The following CFAP44 variants were observed in gnomAD, a reference collection of about 807,000 sequenced individuals.
The protein encoded by CFAP44 is cilia and flagella associated protein 44.
Under a neutral mutation model 216.2 loss-of-function variants are expected in CFAP44, and 134 were observed. The ratio of observed to expected loss-of-function variants is 0.62; its 90% CI spans 0.54 to 0.72. CFAP44 has a LOEUF of 0.72. Among genes scored for constraint, CFAP44 ranks in the 30% least tolerant of loss-of-function variants. The probability of loss-of-function intolerance (pLI) is 0.00; values close to 1 mark genes in which losing one functional copy is unlikely to be tolerated. For synonymous variants in CFAP44, 700 were observed against 727.6 expected, an observed-to-expected ratio of 0.96 and a Z score of 0.61; for missense variants, 2,035 against 2,182.1, an observed-to-expected ratio of 0.93 and a Z score of 1.34.
intron 32 of CFAP44, among the ~76,000 whole-genome samples, chr3:113,301,333 A>G (rs1160151541): frequency 6.6e-6 from 1 of 152,148 alleles, no homozygotes; most frequent in Non-Finnish European, 1.5e-5. Flanking sequence ...GGGAATGCTA[A>G]ACATAAAATT....
At chr3:113,401,400 C>G in intron 10 of CFAP44, 113 bp from the exon 11 acceptor site, 1 of 1,201,438 alleles carries the variant, frequency 8.3e-7, no homozygotes, top group Non-Finnish European at 1.2e-6. Flanking sequence ...CAAAAGCTCA[C>G]ATATATTTTA....
chr3:113,379,613 A>G, intron 16 of CFAP44, 62 bp from the exon 17 acceptor site: 1 of 1,292,212 alleles, frequency 7.7e-7, no homozygotes, highest in Non-Finnish European at 1.1e-6. Context: ...CATTTACACC[A>G]TTAGGGATGA....
chr3:113,405,405 C>A (rs1934250101), intron 8 of CFAP44, among the ~76,000 whole-genome samples: 1 of 152,226 alleles, frequency 6.6e-6, no homozygotes, highest in Non-Finnish European at 1.5e-5. Flanking sequence ...CCTTGATCAT[C>A]TCTTTTTAGA....
chr3:113,330,314 A>T lies in CFAP44; in HGVS notation c.3970T>A (p.Ser1324Thr). 6.5e-7 allele frequency: 1 copy of T among 1,537,280 alleles called. No individual in the cohort carries two copies. Among genetic ancestry groups the T allele is most frequent in the East Asian group, 2.4e-5 (1 of 40,906 alleles). ...DGDLTTRDSI[S>T]RSSKASTFSL... ...AATGTTGATGCCTTTGATGATCTAGATATTGAATCACGGGTTGTCAAATCC... is the reference window on the plus strand; with the variant it reads ...AATGTTGATGCCTTTGATGATCTAGTTATTGAATCACGGGTTGTCAAATCC... The change falls in exon 26 of 35, where the codon TCT (serine) becomes ACT (threonine). Residue 1324 changes from serine to threonine, a missense_variant. Physicochemically the swap from Ser to Thr is moderately conservative, Grantham distance 58. Coordinates refer to ENST00000393845, the MANE Select transcript of CFAP44 (RefSeq NM_001164496.2).
chr3:113,340,603 A>C (rs1950323590), intron 24 of CFAP44, among the ~76,000 whole-genome samples: 1 of 152,162 alleles, frequency 6.6e-6, no homozygotes, highest in African/African-American at 2.4e-5. Flanking sequence ...CCCATTGCTC[A>C]AACCTCTAGG....
chr3:113,399,848 C>A (rs879636545), intron 13 of CFAP44, 58 bp downstream of exon 13: 17 of 1,130,484 alleles, frequency 1.5e-5, no homozygotes, highest in Admixed American at 2.7e-5. Flanking sequence ...CAGAAAATAG[C>A]ATTGATATAC....
chr3:113,415,752 A>T (rs1934628229), intron 6 of CFAP44, among the ~76,000 whole-genome samples: 1 of 152,082 alleles, frequency 6.6e-6, no homozygotes, highest in Admixed American at 6.6e-5. Flanking sequence ...ACTCTTATGC[A>T]TTTGCTGAGG....
chr3:113,377,821 G>A (rs1576579570), intron 17 of CFAP44, among the ~76,000 whole-genome samples: 1 of 151,920 alleles, frequency 6.6e-6, no homozygotes, highest in East Asian at 1.9e-4. Context: ...CCCGGCTAAT[G>A]TTTTGTATTT....
In CFAP44 at chr3:113,396,606, T is replaced by C; in HGVS notation, c.1691A>G (p.Asp564Gly). ...FAGRKKILDA[D>G]IQLKQVFKPH... Reference sequence around the variant, plus strand: ...TTTGAAAACCTGTTTCAACTGAATATCAGCATCCAAAATTTTCTTCCGTCC... The same window carrying C: ...TTTGAAAACCTGTTTCAACTGAATACCAGCATCCAAAATTTTCTTCCGTCC... The change falls in exon 14 of 35, where the codon GAT (aspartate) becomes GGT (glycine). Residue 564 changes from aspartate to glycine, a missense_variant. Physicochemically the swap from Asp to Gly is moderately conservative, Grantham distance 94. Coordinates refer to ENST00000393845, the MANE Select transcript of CFAP44 (RefSeq NM_001164496.2). 6.2e-7 allele frequency: 1 copy of C among 1,614,126 alleles called. No individual in the cohort carries two copies.
intron 32 of CFAP44, among the ~76,000 whole-genome samples, chr3:113,299,941 G>A (rs1340021652): frequency 2.0e-5 from 3 of 152,184 alleles, no homozygotes; most frequent in Non-Finnish European, 4.4e-5. Context: ...TGAGGCAGAA[G>A]GATCACCTGA....
chr3:113,385,176 G>A (rs1453332606), intron 15 of CFAP44, among the ~76,000 whole-genome samples: 1 of 152,142 alleles, frequency 6.6e-6, no homozygotes, highest in Non-Finnish European at 1.5e-5. Flanking sequence ...CCATGATTGT[G>A]AGGCCTCCCC....
chr3:113,317,886 T>C (rs1488174269), intron 28 of CFAP44, among the ~76,000 whole-genome samples: 1 of 152,196 alleles, frequency 6.6e-6, no homozygotes, highest in African/African-American at 2.4e-5. Context: ...ACAGGCACAG[T>C]GCCAGTGATT....
chr3:113,429,780 T>C (rs1305416230), intron 2 of CFAP44, among the ~76,000 whole-genome samples: 1 of 152,172 alleles, frequency 6.6e-6, no homozygotes, highest in Non-Finnish European at 1.5e-5. Flanking sequence ...GAATTCTATT[T>C]AAATTTCTGT....
At chr3:113,297,401 G>A (rs757263282) in intron 32 of CFAP44, among the ~76,000 whole-genome samples, 1 of 151,936 alleles carries the variant, frequency 6.6e-6, no homozygotes, top group Non-Finnish European at 1.5e-5. Context: ...CCACCTCTGT[G>A]CTTCTCAAAC....
rs1364822823 is a variant in CFAP44, at chr3:113,291,675, T to C, written c.5447A>G (p.Gln1816Arg). 3 of 1,537,318 alleles carry C rather than the reference T, an allele frequency of 2.0e-6. No individual in the cohort carries two copies. In the South Asian group the frequency reaches 3.6e-5, roughly 18 times the overall value. The stretch of plus-strand genomic sequence containing the variant: ...CTTTAAGGCCGAAATCCTTTCCGCC[T>C]GGAGTTGGATCAATTCAGTGACCTC... The part of the protein sequence containing the change: ...REEVTELIQL[Q>R]AERISALKEE... Residue 1816 changes from glutamine to arginine, a missense_variant, in exon 35 of 35, where the codon CAG (glutamine) becomes CGG (arginine). Gln to Arg is a conservative substitution (Grantham distance 43). This residue lies in a region of CFAP44 where 1,883 missense variants were observed against 2,023.7 expected (regional missense o/e 0.93). Coordinates refer to ENST00000393845, the MANE Select transcript of CFAP44 (RefSeq NM_001164496.2).
intron 1 of CFAP44, chr3:113,434,441 T>C (rs189893980): frequency 6.6e-6 from 1 of 152,320 alleles, no homozygotes; most frequent in Non-Finnish European, 1.5e-5. Flanking sequence ...GGGTACCATA[T>C]CATAAAGTTG....
intron 22 of CFAP44, among the ~76,000 whole-genome samples, chr3:113,355,216 T>C (rs1441761763): frequency 6.6e-6 from 1 of 151,608 alleles, no homozygotes; most frequent in Non-Finnish European, 1.5e-5. Context: ...CAAAAACCTA[T>C]TGAAATTGAA....
intron 17 of CFAP44, among the ~76,000 whole-genome samples, chr3:113,377,243 T>C (rs1933371383): frequency 6.6e-6 from 1 of 152,208 alleles, no homozygotes; most frequent in South Asian, 2.1e-4. Context: ...TGAGTATTGA[T>C]TTGAGAACTG....
chr3:113,396,453 G>C lies in CFAP44; in HGVS notation c.1779+65C>G, dbSNP rs367715248. On this transcript the variant is annotated intron_variant, in intron 14 of 34. Transcript: ENST00000393845. The stretch of plus-strand genomic sequence containing the variant: ...CAGTAAATAAGACATGATGAAGTAG[G>C]AGGACTTATAAGGCAATTTAACTAT... 30 of 1,499,334 alleles carry C rather than the reference G, an allele frequency of 2.0e-5. No homozygotes were observed. The African/African-American group carries it at 3.4e-4, about 17-fold the overall frequency. 92.9% of individuals were successfully genotyped at this position (1,499,334 alleles called of 1,614,324 possible). A position where few individuals can be genotyped will look rare whatever the true frequency, so the allele number is the denominator to read the frequency against.
Sources: gnomAD v4.1 joint callset for allele counts (sites outside exome capture counted in the v4.1 genomes callset) on GRCh38, gnomAD v4.1.1 for gene constraint, gnomAD v4.1.1 regional missense constraint, MANE v1.5 for transcripts, NCBI Gene and HGNC (gene_info 2026-07-23, HGNC 2026-07-21) for gene names.